The following SGCZ variants were observed in gnomAD, a reference collection of about 807,000 sequenced individuals.
The protein encoded by SGCZ is sarcoglycan zeta, also known as zeta-sarcoglycan.
A neutral mutation model predicts 41.3 loss-of-function variants in SGCZ; 40 were observed. That is an observed-to-expected ratio of 0.97 (90% CI 0.75 to 1.26). The LOEUF (loss-of-function observed/expected upper bound fraction) is 1.26, where lower values mean the gene tolerates loss of function less well. Ranked by LOEUF, SGCZ falls within the 50% of genes most tolerant of loss-of-function variation. The pLI is 0.00. For synonymous variants in SGCZ, 206 were observed against 137.5 expected (o/e 1.50, Z -3.49); for missense variants, 552 against 369.8 (o/e 1.49, Z -4.04).
chr8:14,941,290 C>T (rs550651660), intron 1 of SGCZ, among the ~76,000 whole-genome samples: 2 of 152,186 alleles, frequency 1.3e-5, no homozygotes, highest in East Asian at 1.9e-4. Flanking sequence ...GTCAAAGCAT[C>T]TGTATTCAAG....
At chr8:15,074,268 T>C (rs531945873) in intron 1 of SGCZ, among the ~76,000 whole-genome samples, 1 of 152,310 alleles carries the variant, frequency 6.6e-6, no homozygotes, top group East Asian at 1.9e-4. Context: ...TCCAAAATCT[T>C]CTCAGTCTAC....
chr8:14,526,537 CCTT>C (rs547543587), intron 2 of SGCZ, among the ~76,000 whole-genome samples: 9 of 152,174 alleles, frequency 5.9e-5, no homozygotes, highest in South Asian at 4.2e-4. Context: ...ATTGTATACT[CCTT>C]CTTTGATTAT....
intron 3 of SGCZ, among the ~76,000 whole-genome samples, chr8:14,282,375 C>T (rs4831570): frequency 0.93 from 142,009 of 152,118 alleles, 66,986 homozygotes; most frequent in East Asian, 1. Context: ...AATCTTATCA[C>T]CAATTTATTC....
At chr8:14,319,788 A>G (rs1801856416) in intron 3 of SGCZ, among the ~76,000 whole-genome samples, 1 of 152,040 alleles carries the variant, frequency 6.6e-6, no homozygotes, top group African/African-American at 2.4e-5. Flanking sequence ...AGAAGTGAGG[A>G]CAAACTGGAG....
rs1017433858 is a variant in SGCZ, at chr8:14,741,516, T to C, written c.40-186590A>G. On this transcript the variant is annotated intron_variant, in intron 1 of 7. Transcript: ENST00000382080. ...TTTAAGCATTTTAGCTTCTCCATAA[T>C]ATAACATTTATGGTAATAAAATAAG... is the stretch of plus-strand genomic sequence containing the variant. Among the ~76,000 whole-genome samples, 14 of 152,222 alleles carry C rather than the reference T, an allele frequency of 9.2e-5. No individual in the cohort carries two copies. In the East Asian group the frequency reaches 1.5e-3, roughly 17 times the overall value.
At position 15,092,794 on chromosome 8, in the gene SGCZ, A is replaced by C. The variant is rs537407546; in HGVS notation, c.39+144791T>G. Among the ~76,000 whole-genome samples the C allele has an allele frequency of 1.1e-4, 17 of 152,336 alleles. No homozygotes were observed. The East Asian group carries it at 3.3e-3, about 29-fold the overall frequency. ...GTAAAATTCATCCTGATGGAAAATA[A>C]TTGAGATACTCATCACATGCATTGT... On this transcript the variant is annotated intron_variant, in intron 1 of 7. Coordinates refer to ENST00000382080, the MANE Select transcript of SGCZ (RefSeq NM_139167.4).
chr8:14,953,099 G>A (rs907016557), intron 1 of SGCZ, among the ~76,000 whole-genome samples: 11 of 152,174 alleles, frequency 7.2e-5, no homozygotes, highest in East Asian at 5.8e-4. Context: ...ACCTCTATGC[G>A]TCCGTTCTCA....
chr8:14,260,253 A>G (rs1320267505), intron 3 of SGCZ, among the ~76,000 whole-genome samples: 3 of 152,024 alleles, frequency 2.0e-5, no homozygotes, highest in East Asian at 3.9e-4. Context: ...TTTACAAGCA[A>G]AAAACAAACA....
intron 1 of SGCZ, among the ~76,000 whole-genome samples, chr8:14,878,672 A>G (rs1804461355): frequency 6.6e-6 from 1 of 152,188 alleles, no homozygotes; most frequent in African/African-American, 2.4e-5. Context: ...CTATAAGAGG[A>G]ACAGAGCAAA....
intron 4 of SGCZ, chr8:14,165,265 T>C (rs1257602890): frequency 6.6e-6 from 1 of 152,214 alleles, no homozygotes; most frequent in Non-Finnish European, 1.5e-5. Context: ...TGAAATTATA[T>C]ATATAATTTC....
chr8:14,944,533 G>C (rs1055186211), intron 1 of SGCZ, among the ~76,000 whole-genome samples: 1 of 152,136 alleles, frequency 6.6e-6, no homozygotes, highest in Admixed American at 6.6e-5. Context: ...AACTGATTGA[G>C]AAAGTAGTTA....
At chr8:14,569,844 T>C (rs1345672899) in intron 1 of SGCZ, among the ~76,000 whole-genome samples, 1 of 152,040 alleles carries the variant, frequency 6.6e-6, no homozygotes, top group African/African-American at 2.4e-5. Context: ...GAAATACTTG[T>C]TCAGGGTGGA....
intron 1 of SGCZ, among the ~76,000 whole-genome samples, chr8:14,700,260 G>C (rs934924063): frequency 6.6e-6 from 1 of 151,950 alleles, no homozygotes; most frequent in African/African-American, 2.4e-5. Context: ...ATACATCATA[G>C]GATACTACAC....
In SGCZ at chr8:14,669,347, G is replaced by C. The variant is rs750362121; in HGVS notation, c.40-114421C>G. ...CACTCTAGCCTGGACAACAGAGCAA[G>C]ACCCTGTCTCTAAGTAAGTAAGTAA... On this transcript the variant is annotated intron_variant, in intron 1 of 7. Coordinates refer to ENST00000382080, the MANE Select transcript of SGCZ (RefSeq NM_139167.4). 9.7e-4 allele frequency among the ~76,000 whole-genome samples: 123 copies of C among 126,588 alleles called. 1 individual carries two copies. The highest frequency in any genetic ancestry group is 1.9e-3 in the Non-Finnish European group (107 of 57,726). 83.0% of individuals were successfully genotyped at this position (126,588 alleles called of 152,430 possible).
chr8:14,477,727 A>G (rs143553372), intron 2 of SGCZ, among the ~76,000 whole-genome samples: 1,671 of 152,324 alleles, frequency 0.011, 19 homozygotes, highest in South Asian at 0.022. Context: ...GCTACTCCAG[A>G]CTATCTTAAG....
chr8:15,058,243 G>A (rs982879963), intron 1 of SGCZ, among the ~76,000 whole-genome samples: 1 of 152,050 alleles, frequency 6.6e-6, no homozygotes, highest in Admixed American at 6.6e-5. Flanking sequence ...TTAGATATGA[G>A]TTACCTTCAA....
At chr8:15,172,864 T>C (rs1799885849) in intron 1 of SGCZ, among the ~76,000 whole-genome samples, 1 of 152,256 alleles carries the variant, frequency 6.6e-6, no homozygotes, top group Non-Finnish European at 1.5e-5. Flanking sequence ...AAATGGGTTG[T>C]TCTATTGATG....
At chr8:14,761,505 TA>T (rs1278111535) in intron 1 of SGCZ, among the ~76,000 whole-genome samples, 1 of 149,864 alleles carries the variant, frequency 6.7e-6, no homozygotes, top group African/African-American at 2.4e-5. Context: ...ATGTTTCTAT[TA>T]TTATTATTAT....
intron 2 of SGCZ, among the ~76,000 whole-genome samples, chr8:14,494,647 C>A (rs1801938820): frequency 6.6e-6 from 1 of 152,048 alleles, no homozygotes; most frequent in Non-Finnish European, 1.5e-5. Context: ...GCTCTGGCTG[C>A]AAAACTTTTT....
Sources: allele counts gnomAD v4.1 joint callset (sites outside exome capture counted in the v4.1 genomes callset), GRCh38; gene constraint gnomAD v4.1.1; transcripts MANE v1.5; gene names NCBI Gene and HGNC (gene_info 2026-07-23, HGNC 2026-07-21).